Variants in HDAC9 observed in about 807,000 individuals in gnomAD.
HDAC9 encodes histone deacetylase 9, also known as MEF-2 interacting transcription repressor (MITR) protein.
Under a neutral mutation model 139.4 loss-of-function variants are expected in HDAC9, and 41 were observed. That is an observed-to-expected ratio of 0.29 (90% CI 0.23 to 0.38). The LOEUF is 0.38. Ranked by LOEUF, HDAC9 falls within the 10% of genes least tolerant of loss-of-function variation. The probability of loss-of-function intolerance (pLI) is 1.00; values close to 1 mark genes in which losing one functional copy is unlikely to be tolerated. For synonymous variants in HDAC9, 517 were observed against 476.2 expected, an observed-to-expected ratio of 1.09 and a Z score of -1.12; for missense variants, 1,147 against 1,297.0, an observed-to-expected ratio of 0.88 and a Z score of 1.78.
intron 14 of HDAC9, among the ~76,000 whole-genome samples, chr7:18,756,746 G>A (rs1397056967): frequency 6.6e-6 from 1 of 152,128 alleles, no homozygotes; most frequent in Non-Finnish European, 1.5e-5. Context: ...AGGACACGTG[G>A]GAGTCAGGAC....
chr7:18,762,350 C>G lies in HDAC9; in HGVS notation c.2164+73C>G, dbSNP rs150328320. On this transcript the variant is annotated intron_variant, in intron 15 of 25. Coordinates refer to ENST00000686413, the MANE Select transcript of HDAC9 (RefSeq NM_178425.4). ...TCATTAGTCAACGCTGGTGTCAGTTCAAAATACTTGGCAAGTAGTGCAACA... is the reference window on the plus strand; with the variant it reads ...TCATTAGTCAACGCTGGTGTCAGTTGAAAATACTTGGCAAGTAGTGCAACA... 8.4e-5 allele frequency: 130 copies of G among 1,542,866 alleles called. No individual in the cohort carries two copies. In the East Asian group the frequency reaches 2.9e-3, roughly 35 times the overall value.
At chr7:18,176,351 CTCTG>C (rs1330954398) in intron 2 of HDAC9, among the ~76,000 whole-genome samples, 7 of 152,118 alleles carry the variant, frequency 4.6e-5, no homozygotes, top group Non-Finnish European at 1.0e-4. Flanking sequence ...TTTTTGAAAT[CTCTG>C]TCTGATAAGG....
At chr7:18,698,444 C>T (rs961156178) in intron 12 of HDAC9, among the ~76,000 whole-genome samples, 3 of 152,136 alleles carry the variant, frequency 2.0e-5, no homozygotes, top group African/African-American at 7.2e-5. Context: ...ACAAATAGCC[C>T]TGGGGAGCTT....
chr7:18,807,934 T>C (rs982835889), intron 17 of HDAC9: 1 of 152,240 alleles, frequency 6.6e-6, no homozygotes, highest in Non-Finnish European at 1.5e-5. Context: ...CTGTCTTTTA[T>C]GTCCATTTGA....
At chr7:18,465,445 C>A (rs981397261) in intron 1 of HDAC9, among the ~76,000 whole-genome samples, 1 of 152,030 alleles carries the variant, frequency 6.6e-6, no homozygotes, top group Non-Finnish European at 1.5e-5. Context: ...AGAGGAAATA[C>A]ATTAGAGAGT....
intron 2 of HDAC9, among the ~76,000 whole-genome samples, chr7:18,564,808 A>G (rs1403923443): frequency 3.9e-5 from 6 of 151,992 alleles, no homozygotes; most frequent in Non-Finnish European, 8.8e-5. Context: ...AGATGAAGCA[A>G]TGTCTTTAGA....
chr7:18,134,001 T>C (rs1785216878), intron 1 of HDAC9, among the ~76,000 whole-genome samples: 1 of 151,342 alleles, frequency 6.6e-6, no homozygotes, highest in Non-Finnish European at 1.5e-5. Flanking sequence ...TTTTAATGTG[T>C]CTGAGCACCA....
At chr7:18,351,447 A>G (rs943430180) in intron 1 of HDAC9, among the ~76,000 whole-genome samples, 5 of 152,196 alleles carry the variant, frequency 3.3e-5, no homozygotes, top group African/African-American at 9.6e-5. Context: ...AAATAAAACA[A>G]AAATCCCCCA....
chr7:18,760,737 C>G (rs1015849321), intron 14 of HDAC9, among the ~76,000 whole-genome samples: 1 of 152,184 alleles, frequency 6.6e-6, no homozygotes, highest in East Asian at 1.9e-4. Flanking sequence ...AGACCCCCAC[C>G]AATCCTCCCT....
At chr7:18,486,068 A>T (rs1018251811) in intron 1 of HDAC9, among the ~76,000 whole-genome samples, 4 of 152,144 alleles carry the variant, frequency 2.6e-5, no homozygotes, top group African/African-American at 9.7e-5. Context: ...GGTGGAAGGC[A>T]GAAGGGCAAG....
intron 12 of HDAC9, among the ~76,000 whole-genome samples, chr7:18,708,178 T>C (rs1333503087): frequency 2.0e-5 from 3 of 152,078 alleles, no homozygotes; most frequent in Admixed American, 1.3e-4. Flanking sequence ...AGTTACTGTT[T>C]GTTGGCGTCT....
At chr7:18,802,046 CT>C (rs140805682) in intron 17 of HDAC9, among the ~76,000 whole-genome samples, 1,663 of 151,488 alleles carry the variant, frequency 0.011, 29 homozygotes, top group African/African-American at 0.039. Flanking sequence ...TTATGAATTT[CT>C]TCTATTTTTA....
intron 1 of HDAC9, among the ~76,000 whole-genome samples, chr7:18,318,414 A>G (rs1282331324): frequency 6.6e-6 from 1 of 152,224 alleles, no homozygotes; most frequent in Non-Finnish European, 1.5e-5. Context: ...TGGAATGCAG[A>G]TGGCATTTGT....
chr7:18,429,035 T>C (rs562774630), intron 1 of HDAC9: 2 of 152,350 alleles, frequency 1.3e-5, no homozygotes, highest in Admixed American at 6.5e-5. Flanking sequence ...ATAGCAATCC[T>C]ACCCACCTCC....
intron 17 of HDAC9, among the ~76,000 whole-genome samples, chr7:18,802,765 T>C (rs1199214365): frequency 6.6e-6 from 1 of 151,498 alleles, no homozygotes. Flanking sequence ...TAAGTAAATA[T>C]TTTTATCCTC....
chr7:18,494,904 G>A (rs1690271703), upstream of HDAC9, among the ~76,000 whole-genome samples: 1 of 152,016 alleles, frequency 6.6e-6, no homozygotes, highest in South Asian at 2.1e-4. Flanking sequence ...TTTAGCCTGA[G>A]AGGCTGAGGG....
intron 22 of HDAC9, chr7:18,892,088 G>A (rs187057029): frequency 6.6e-6 from 1 of 152,072 alleles, no homozygotes; most frequent in Non-Finnish European, 1.5e-5. Flanking sequence ...AAGAATGAGG[G>A]GAAATAGTGA....
At chr7:18,441,719 C>T (rs1791777165) in intron 1 of HDAC9, among the ~76,000 whole-genome samples, 1 of 152,160 alleles carries the variant, frequency 6.6e-6, no homozygotes, top group South Asian at 2.1e-4. Flanking sequence ...CACCTATCTT[C>T]CATCCAGAAA....
chr7:18,402,624 C>A (rs922561068), intron 1 of HDAC9, among the ~76,000 whole-genome samples: 1 of 152,090 alleles, frequency 6.6e-6, no homozygotes, highest in African/African-American at 2.4e-5. Context: ...AGGTTTCAGG[C>A]AAGTGAGAGG....
Sources: allele counts gnomAD v4.1 joint callset (sites outside exome capture counted in the v4.1 genomes callset), GRCh38; gene constraint gnomAD v4.1.1; transcripts MANE v1.5; gene names NCBI Gene and HGNC (gene_info 2026-07-23, HGNC 2026-07-21).